ATP8B1: variants seen among roughly 807,000 people sequenced by gnomAD.
ATP8B1 encodes phospholipid-transporting ATPase IC.
Under a neutral mutation model 149.9 loss-of-function variants are expected in ATP8B1, and 80 were observed. That is an observed-to-expected ratio of 0.53 (90% CI 0.45 to 0.64). The LOEUF (loss-of-function observed/expected upper bound fraction) is 0.64. Ranked by LOEUF, ATP8B1 falls within the 30% of genes least tolerant of loss-of-function variation. The pLI is 0.00. For synonymous variants in ATP8B1, 536 were observed against 562.8 expected (o/e 0.95, Z 0.67); for missense variants, 1,247 against 1,552.6 (o/e 0.80, Z 3.31).
intron 2 of ATP8B1, among the ~76,000 whole-genome samples, chr18:57,729,545 C>CTTTCTTT (rs1555651086): frequency 1.9e-4 from 9 of 48,046 alleles, no homozygotes; most frequent in Non-Finnish European, 3.3e-4. Flanking sequence ...CATTTTCTTT[C>CTTTCTTT]TTTCTTTTTT....
chr18:57,713,215 CCTTCCTTCCTTCCTTCCT>C (rs1913802014), intron 2 of ATP8B1, among the ~76,000 whole-genome samples: 1 of 128,622 alleles, frequency 7.8e-6, no homozygotes, highest in African/African-American at 3.1e-5. Context: ...TTCCTTCCTT[CCTTCCTTCCTTCCTTCCT>C]TCCTTCCTTC....
At chr18:57,708,687 A>T (rs1913542095) in intron 2 of ATP8B1, 1 of 152,272 alleles carries the variant, frequency 6.6e-6, no homozygotes, top group East Asian at 1.9e-4. Flanking sequence ...AAGGCCAATA[A>T]GGGATTTTTA....
intron 19 of ATP8B1, 48 bp downstream of exon 19, chr18:57,668,381 A>G (rs1231414200): frequency 2.0e-6 from 3 of 1,486,574 alleles, no homozygotes; most frequent in East Asian, 4.5e-5. Context: ...AACGGCAGCT[A>G]TAAATATTTG....
intron 1 of ATP8B1, chr18:57,734,165 A>G (rs2079821340): frequency 6.6e-6 from 1 of 152,182 alleles, no homozygotes. Context: ...ATTTTCCAAA[A>G]TTTCAACAAT....
rs149667721 is a variant in ATP8B1, at chr18:57,707,346, G to A, written c.182-759C>T. On this transcript the variant is annotated intron_variant, in intron 2 of 27. Coordinates refer to ENST00000648908, the MANE Select transcript of ATP8B1 (RefSeq NM_001374385.1). ...AAAGAGAATGAGGAAGCACCTCTTT[G>A]GCACCAAGTTCTCCATGAACATGCA... Among the ~76,000 whole-genome samples, 3 of 152,196 alleles carry A rather than the reference G, an allele frequency of 2.0e-5. No homozygotes were observed. In the East Asian group the frequency reaches 5.8e-4, roughly 29 times the overall value.
intron 1 of ATP8B1, among the ~76,000 whole-genome samples, chr18:57,736,333 T>C (rs1028574316): frequency 6.6e-6 from 1 of 152,162 alleles, no homozygotes; most frequent in Non-Finnish European, 1.5e-5. Context: ...TATAGTCCTA[T>C]TTGTCTATTT....
intron 2 of ATP8B1, among the ~76,000 whole-genome samples, chr18:57,713,151 ATCTTTCTCTT>A (rs1329262275): frequency 1.5e-5 from 2 of 136,064 alleles, no homozygotes; most frequent in African/African-American, 5.5e-5. Context: ...CTTGCTCTTG[ATCTTTCTCTT>A]TCTTTCTTTC....
At chr18:57,719,988 T>A (rs2079626339) in intron 2 of ATP8B1, among the ~76,000 whole-genome samples, 1 of 151,998 alleles carries the variant, frequency 6.6e-6, no homozygotes, top group African/African-American at 2.4e-5. Context: ...AGGGGCACAC[T>A]GACACCTCAC....
rs189637482 is a variant in ATP8B1, at chr18:57,745,365, G to A, written c.-25-13533C>T. On this transcript the variant is annotated intron_variant, in intron 1 of 27. Transcript: ENST00000648908. ...CGGCTCACTGCAACCTCCGCCTCCC[G>A]GGCTCAAGCAATTCTCCTGCCTCAG... Among the ~76,000 whole-genome samples, 48 of 151,932 alleles carry A rather than the reference G, an allele frequency of 3.2e-4. No individual in the cohort carries two copies. In the East Asian group the frequency reaches 6.4e-3, roughly 20 times the overall value.
At chr18:57,683,185 T>G (rs534021514) in intron 15 of ATP8B1, among the ~76,000 whole-genome samples, 2 of 152,254 alleles carry the variant, frequency 1.3e-5, no homozygotes, top group African/African-American at 2.4e-5. Flanking sequence ...CTGCTACATA[T>G]GAAACATTAA....
At chr18:57,704,531 A>G (rs1913289106) in intron 4 of ATP8B1, 24 bp downstream of exon 4, 1 of 1,436,982 alleles carries the variant, frequency 7.0e-7, no homozygotes, top group Admixed American at 1.7e-5. Flanking sequence ...ATTCAAACAG[A>G]TTTAAGATAG....
intron 15 of ATP8B1, among the ~76,000 whole-genome samples, chr18:57,677,484 A>G (rs1010595055): frequency 1.9e-5 from 1 of 53,882 alleles, no homozygotes; most frequent in Non-Finnish European, 4.3e-5. Flanking sequence ...AAGGCCACAG[A>G]TGCATGAGCA....
At chr18:57,735,063 T>C (rs774323718) in intron 1 of ATP8B1, 80 of 152,416 alleles carry the variant, frequency 5.2e-4, no homozygotes, top group Non-Finnish European at 9.4e-4. Context: ...AACCCAGGCA[T>C]TGGAGCCAGC....
intron 6 of ATP8B1, among the ~76,000 whole-genome samples, chr18:57,698,502 G>A (rs546292684): frequency 2.0e-5 from 3 of 151,994 alleles, no homozygotes; most frequent in African/African-American, 2.4e-5. Flanking sequence ...GTGCCTTCAC[G>A]CCTGACTAAT....
intron 1 of ATP8B1, among the ~76,000 whole-genome samples, chr18:57,764,228 C>A (rs2080184790): frequency 6.6e-6 from 1 of 152,110 alleles, no homozygotes; most frequent in Non-Finnish European, 1.5e-5. Flanking sequence ...TGTGCAGCCA[C>A]CTGCCCCAGG....
chr18:57,696,730 T>C (rs779816039), intron 8 of ATP8B1, among the ~76,000 whole-genome samples: 1 of 152,190 alleles, frequency 6.6e-6, no homozygotes, highest in African/African-American at 2.4e-5. Context: ...CTGTGTGACC[T>C]TGGGCGGGCT....
intron 13 of ATP8B1, among the ~76,000 whole-genome samples, chr18:57,686,610 G>C (rs1049590954): frequency 6.6e-6 from 1 of 152,242 alleles, no homozygotes; most frequent in Non-Finnish European, 1.5e-5. Context: ...TAGTAGAGAT[G>C]GGGTTTCATC....
chr18:57,713,473 A>T (rs946321178), intron 2 of ATP8B1, among the ~76,000 whole-genome samples: 2 of 132,936 alleles, frequency 1.5e-5, no homozygotes, highest in African/African-American at 3.2e-5. Flanking sequence ...ATTTTTAAAA[A>T]TTTTTTATTT....
chr18:57,728,107 T>C (rs1223926657), intron 2 of ATP8B1, among the ~76,000 whole-genome samples: 2 of 152,116 alleles, frequency 1.3e-5, no homozygotes, highest in East Asian at 3.9e-4. Flanking sequence ...AGCACTTGTT[T>C]AACAGGAAAG....
Sources: gnomAD v4.1 joint callset for allele counts (sites outside exome capture counted in the v4.1 genomes callset) on GRCh38, gnomAD v4.1.1 for gene constraint, MANE v1.5 for transcripts, NCBI Gene and HGNC (gene_info 2026-07-23, HGNC 2026-07-21) for gene names.